LGSN: variants seen among roughly 807,000 people sequenced by gnomAD.
The protein encoded by LGSN is lengsin, lens protein with glutamine synthetase domain.
LGSN carries 21 observed loss-of-function variants against 19.5 expected under a neutral mutation model. That is an observed-to-expected ratio of 1.07 (90% CI 0.76 to 1.55). The LOEUF (loss-of-function observed/expected upper bound fraction) is 1.55, where lower values mean the gene tolerates loss of function less well. Ranked by LOEUF, LGSN falls within the 40% of genes most tolerant of loss-of-function variation. LGSN has a pLI of 0.00. For synonymous variants in LGSN, 257 were observed against 215.6 expected (o/e 1.19, Z -1.68); for missense variants, 673 against 608.5 (o/e 1.11, Z -1.12).
chr6:63,404,579 A>G, the LGSN span, among the ~76,000 whole-genome samples: 1 of 152,104 alleles, frequency 6.6e-6, no homozygotes, highest in Non-Finnish European at 1.5e-5. Context: ...ACTTTCTTAT[A>G]GATGGACATC....
At chr6:63,557,137 G>C in the LGSN span, among the ~76,000 whole-genome samples, 27 of 152,222 alleles carry the variant, frequency 1.8e-4, no homozygotes, top group Admixed American at 3.9e-4. Flanking sequence ...AAGGGTGTGA[G>C]AGAGATAGAT....
chr6:63,290,131 C>T (rs1767708459), intron 2 of LGSN, among the ~76,000 whole-genome samples: 1 of 151,580 alleles, frequency 6.6e-6, no homozygotes, highest in African/African-American at 2.4e-5. Context: ...ATCAAAATTC[C>T]TTACACTTAT....
the LGSN span, among the ~76,000 whole-genome samples, chr6:63,358,315 G>A: frequency 6.6e-6 from 1 of 152,170 alleles, no homozygotes; most frequent in East Asian, 1.9e-4. Context: ...TGGCAATGTG[G>A]GCTCTTTTTT....
At chr6:63,461,346 C>T in the LGSN span, among the ~76,000 whole-genome samples, 3 of 152,298 alleles carry the variant, frequency 2.0e-5, no homozygotes, top group South Asian at 6.2e-4. Flanking sequence ...GCCATCATGC[C>T]CAGCCTTGTC....
the LGSN span, chr6:63,549,133 CT>C: frequency 1.5e-6 from 1 of 687,732 alleles, no homozygotes; most frequent in Non-Finnish European, 2.6e-6. Flanking sequence ...GGGATGCCCC[CT>C]TTGCCAGCAG....
the LGSN span, among the ~76,000 whole-genome samples, chr6:63,428,459 C>G: frequency 1.4e-4 from 21 of 152,196 alleles, no homozygotes; most frequent in African/African-American, 5.1e-4. Context: ...TCAAGCAACT[C>G]TCCTGCCTCA....
At chr6:63,488,030 T>C in the LGSN span, among the ~76,000 whole-genome samples, 7 of 152,076 alleles carry the variant, frequency 4.6e-5, no homozygotes, top group Admixed American at 4.6e-4. Flanking sequence ...TTATAAACTC[T>C]TAACACTTCA....
chr6:63,549,653 C>A, the LGSN span: 1 of 477,512 alleles, frequency 2.1e-6, no homozygotes, highest in Non-Finnish European at 3.7e-6. Context: ...CTGTCATTGG[C>A]AGTAACACGG....
chr6:63,495,936 TA>T, the LGSN span, among the ~76,000 whole-genome samples: 98 of 147,086 alleles, frequency 6.7e-4, 2 homozygotes, highest in East Asian at 0.012. Flanking sequence ...TTAATTTTTT[TA>T]AAAAAAAAAG....
At chr6:63,522,329 G>T in the LGSN span, among the ~76,000 whole-genome samples, 3 of 152,166 alleles carry the variant, frequency 2.0e-5, no homozygotes, top group African/African-American at 4.8e-5. Flanking sequence ...CCATATTCAT[G>T]ATGTAAATGA....
intron 1 of LGSN, among the ~76,000 whole-genome samples, chr6:63,314,820 A>C (rs1340514557): frequency 6.6e-6 from 1 of 152,168 alleles, no homozygotes; most frequent in Non-Finnish European, 1.5e-5. Flanking sequence ...AAGAAAGAAA[A>C]ATATCAAGGG....
At chr6:63,531,067 T>G in the LGSN span, among the ~76,000 whole-genome samples, 1 of 152,220 alleles carries the variant, frequency 6.6e-6, no homozygotes, top group Non-Finnish European at 1.5e-5. Context: ...CTAGAGAACT[T>G]CTATATTGTG....
chr6:63,484,030 TG>T, the LGSN span, among the ~76,000 whole-genome samples: 2 of 152,280 alleles, frequency 1.3e-5, no homozygotes, highest in African/African-American at 4.8e-5. Flanking sequence ...GGCAAGCACC[TG>T]TAGTCCTAGC....
the LGSN span, among the ~76,000 whole-genome samples, chr6:63,397,451 GA>G: frequency 7.5e-3 from 949 of 127,232 alleles, 6 homozygotes; most frequent in African/African-American, 0.012. Context: ...CGGCTTGGGA[GA>G]AAAAAAAAAA....
At chr6:63,516,157 A>G in the LGSN span, among the ~76,000 whole-genome samples, 1 of 152,344 alleles carries the variant, frequency 6.6e-6, no homozygotes, top group East Asian at 1.9e-4. Flanking sequence ...ACCTGTTGCA[A>G]CCCTAAGCAA....
the LGSN span, among the ~76,000 whole-genome samples, chr6:63,507,132 C>A: frequency 3.3e-5 from 5 of 152,204 alleles, no homozygotes; most frequent in African/African-American, 1.2e-4. Context: ...CATAACATTG[C>A]CTGCCTGGAG....
chr6:63,369,062 G>C, the LGSN span, among the ~76,000 whole-genome samples: 2 of 152,170 alleles, frequency 1.3e-5, no homozygotes, highest in Admixed American at 1.3e-4. Context: ...ATCTGAACAA[G>C]GAAGGGAACA....
the LGSN span, among the ~76,000 whole-genome samples, chr6:63,472,568 T>C: frequency 3.9e-4 from 59 of 152,102 alleles, no homozygotes; most frequent in Non-Finnish European, 7.5e-4. Context: ...TACATAGATA[T>C]CTACAACCAC....
chr6:63,416,956 C>CAT, the LGSN span, among the ~76,000 whole-genome samples: 1 of 149,190 alleles, frequency 6.7e-6, no homozygotes, highest in Non-Finnish European at 1.5e-5. Flanking sequence ...CACACACACA[C>CAT]ACATTTAACG....
Sources: allele counts gnomAD v4.1 joint callset (sites outside exome capture counted in the v4.1 genomes callset), GRCh38; gene constraint gnomAD v4.1.1; transcripts MANE v1.5; gene names NCBI Gene and HGNC (gene_info 2026-07-23, HGNC 2026-07-21).